NEGR1: variants seen among roughly 807,000 people sequenced by gnomAD.
The protein encoded by NEGR1 is neuronal growth regulator 1.
A neutral mutation model predicts 40.9 loss-of-function variants in NEGR1; 10 were observed. The ratio of observed to expected loss-of-function variants is 0.24; its 90% CI spans 0.15 to 0.42. The LOEUF is 0.42. Among genes scored for constraint, NEGR1 ranks in the 10% least tolerant of loss-of-function variants. The pLI, the probability that NEGR1 is intolerant of heterozygous loss-of-function variation, is 1.00. For missense variants in NEGR1, 352 were observed against 438.9 expected, an observed-to-expected ratio of 0.80 and a Z score of 1.77; for synonymous variants, 185 against 166.8, an observed-to-expected ratio of 1.11 and a Z score of -0.84.
At chr1:72,152,722 C>A (rs965216386) in intron 1 of NEGR1, among the ~76,000 whole-genome samples, 3 of 151,918 alleles carry the variant, frequency 2.0e-5, no homozygotes, top group Non-Finnish European at 4.4e-5. Context: ...GGAATCAACC[C>A]AGGTGCCCAT....
At chr1:72,061,000 TTTAGTTGTG>T (rs1396853598) in intron 1 of NEGR1, among the ~76,000 whole-genome samples, 3 of 151,628 alleles carry the variant, frequency 2.0e-5, no homozygotes, top group Non-Finnish European at 3.0e-5. Context: ...GAGCACAAGT[TTTAGTTGTG>T]TGAATATATC....
intron 6 of NEGR1, among the ~76,000 whole-genome samples, chr1:71,500,294 G>C (rs767835936): frequency 6.6e-6 from 1 of 151,564 alleles, no homozygotes; most frequent in Admixed American, 6.6e-5. Flanking sequence ...AGCTATGTAC[G>C]GCCAAATTAA....
chr1:71,501,063 T>G (rs1260422332), intron 6 of NEGR1, among the ~76,000 whole-genome samples: 1 of 152,074 alleles, frequency 6.6e-6, no homozygotes. Context: ...GATTTTGTCT[T>G]ATTCCACAAT....
Position 71,906,203 on chromosome 1 carries a change from C to T in NEGR1, c.409+28876G>A, listed in dbSNP as rs143789498. ...TCAAATAAACACTGTCATTTTTATG[C>T]CTTTGATATAATGGGCTTTAGGGAC... On this transcript the variant is annotated intron_variant, in intron 2 of 6. Transcript: ENST00000357731. Among the ~76,000 whole-genome samples, 791 of 151,914 alleles carry T rather than the reference C, an allele frequency of 5.2e-3. 9 individuals carry two copies. Among genetic ancestry groups the T allele is most frequent in the African/African-American group, 0.018 (757 of 41,470 alleles).
intron 1 of NEGR1, among the ~76,000 whole-genome samples, chr1:71,988,516 G>C (rs559318343): frequency 1.6e-5 from 2 of 126,694 alleles, no homozygotes; most frequent in South Asian, 2.7e-4. Flanking sequence ...TCCGCAGTCC[G>C]TCCTGGGCGA....
At chr1:71,716,056 G>C (rs1056805184) in intron 3 of NEGR1, among the ~76,000 whole-genome samples, 2 of 152,124 alleles carry the variant, frequency 1.3e-5, no homozygotes, top group Non-Finnish European at 2.9e-5. Context: ...TCACAGTTCT[G>C]CGTTGCTGAG....
chr1:71,894,336 T>A (rs1185530823), intron 2 of NEGR1, among the ~76,000 whole-genome samples: 1 of 152,090 alleles, frequency 6.6e-6, no homozygotes, highest in Non-Finnish European at 1.5e-5. Flanking sequence ...CTGTAGTAGT[T>A]CAAGAATCAG....
At chr1:71,895,225 T>G (rs1660936641) in intron 2 of NEGR1, among the ~76,000 whole-genome samples, 1 of 152,190 alleles carries the variant, frequency 6.6e-6, no homozygotes, top group African/African-American at 2.4e-5. Flanking sequence ...CCTTAGTGAG[T>G]GCTTACTATT....
Position 71,948,197 on chromosome 1 carries a change from T to C in NEGR1, c.177-12886A>G, listed in dbSNP as rs185539264. ...GTAGCACACTTTATTATAATTTCCATGGATCAGCGAATTAAAATATTTATG... is the reference window on the plus strand; with the variant it reads ...GTAGCACACTTTATTATAATTTCCACGGATCAGCGAATTAAAATATTTATG... On this transcript the variant is annotated intron_variant, in intron 1 of 6. Coordinates refer to ENST00000357731, the MANE Select transcript of NEGR1 (RefSeq NM_173808.3). Among the ~76,000 whole-genome samples the C allele has an allele frequency of 7.2e-5, 11 of 152,276 alleles. No individual in the cohort carries two copies. In the East Asian group the frequency reaches 1.7e-3, roughly 24 times the overall value.
intron 1 of NEGR1, among the ~76,000 whole-genome samples, chr1:72,218,409 C>T (rs565675553): frequency 4.6e-5 from 7 of 151,860 alleles, no homozygotes; most frequent in African/African-American, 1.7e-4. Flanking sequence ...AAAATAAGCT[C>T]AATAAAATTA....
intron 3 of NEGR1, among the ~76,000 whole-genome samples, chr1:71,708,780 C>T (rs144215609): frequency 1.3e-5 from 2 of 152,216 alleles, no homozygotes; most frequent in Non-Finnish European, 2.9e-5. Flanking sequence ...GTGTTGTTCC[C>T]CACTATGCAT....
intron 1 of NEGR1, among the ~76,000 whole-genome samples, chr1:71,952,696 G>A (rs1281800239): frequency 6.6e-6 from 1 of 150,782 alleles, no homozygotes; most frequent in East Asian, 1.9e-4. Flanking sequence ...GGACTTTCAC[G>A]GCTAGAGAAG....
At chr1:71,694,738 T>A (rs1171305145) in intron 4 of NEGR1, among the ~76,000 whole-genome samples, 1 of 151,940 alleles carries the variant, frequency 6.6e-6, no homozygotes, top group East Asian at 1.9e-4. Flanking sequence ...TCTTCTCAAA[T>A]TGACTTACCA....
chr1:71,399,115 C>T lies in NEGR1; in HGVS notation c.*8331G>A, dbSNP rs1266317197. On this transcript the variant is annotated 3_prime_UTR_variant, in exon 7 of 7. Coordinates refer to ENST00000357731, the MANE Select transcript of NEGR1 (RefSeq NM_173808.3). Reference sequence around the variant, plus strand: ...ACCACTATACAAGTTCTTACATTACCTGATGAAAGATATCTAATTGTCTAT... The same window carrying T: ...ACCACTATACAAGTTCTTACATTACTTGATGAAAGATATCTAATTGTCTAT... 2 of 152,134 alleles carry T rather than the reference C, an allele frequency of 1.3e-5. No homozygotes were observed. Among genetic ancestry groups the T allele is most frequent in the East Asian group, 3.9e-4 (2 of 5,182 alleles). 9.4% of individuals were successfully genotyped at this position (152,134 alleles called of 1,614,324 possible). A position where few individuals can be genotyped will look rare whatever the true frequency, so the allele number is the denominator to read the frequency against.
At chr1:72,111,875 C>G (rs1649384136) in intron 1 of NEGR1, among the ~76,000 whole-genome samples, 1 of 151,784 alleles carries the variant, frequency 6.6e-6, no homozygotes, top group African/African-American at 2.4e-5. Context: ...TTTGCATGTA[C>G]ATACATCCTT....
chr1:71,863,181 A>G (rs368198438), intron 2 of NEGR1, among the ~76,000 whole-genome samples: 1 of 152,200 alleles, frequency 6.6e-6, no homozygotes, highest in East Asian at 1.9e-4. Flanking sequence ...CACAACAGCA[A>G]AGACATGGAA....
chr1:71,497,609 T>C (rs1646973041), intron 6 of NEGR1, among the ~76,000 whole-genome samples: 1 of 152,138 alleles, frequency 6.6e-6, no homozygotes, highest in South Asian at 2.1e-4. Context: ...CTCATCTTGT[T>C]CATTTTCAGC....
intron 1 of NEGR1, among the ~76,000 whole-genome samples, chr1:72,259,633 G>A (rs1008919067): frequency 5.9e-5 from 9 of 152,036 alleles, no homozygotes; most frequent in African/African-American, 2.2e-4. Flanking sequence ...GCAATGCAGT[G>A]CATGTTCTCA....
intron 1 of NEGR1, among the ~76,000 whole-genome samples, chr1:71,977,850 A>G (rs921255616): frequency 6.6e-6 from 1 of 151,780 alleles, no homozygotes; most frequent in Non-Finnish European, 1.5e-5. Context: ...GAAAGAAAAT[A>G]ACAGCACCCT....
Sources: allele counts gnomAD v4.1 joint callset (sites outside exome capture counted in the v4.1 genomes callset), GRCh38; gene constraint gnomAD v4.1.1; transcripts MANE v1.5; gene names NCBI Gene and HGNC (gene_info 2026-07-23, HGNC 2026-07-21).